Variants in TRIM46 observed in about 807,000 individuals in gnomAD.
The protein encoded by TRIM46 is tripartite motif containing 46, also known as tripartite motif-containing protein 46.
TRIM46 carries 17 observed loss-of-function variants against 69.7 expected under a neutral mutation model. The ratio of observed to expected loss-of-function variants is 0.24; its 90% CI spans 0.17 to 0.37. TRIM46 has a LOEUF of 0.37. Among genes scored for constraint, TRIM46 ranks in the 10% least tolerant of loss-of-function variants. The probability of loss-of-function intolerance (pLI) is 1.00; values close to 1 mark genes in which losing one functional copy is unlikely to be tolerated. For synonymous variants in TRIM46, 391 were observed against 429.0 expected (o/e 0.91, Z 1.09); for missense variants, 675 against 1,025.1 (o/e 0.66, Z 4.66).
Position 155,181,821 on chromosome 1 carries a change from T to C in TRIM46, c.1589-31T>C. On this transcript the variant is annotated intron_variant, in intron 8 of 9. Coordinates refer to ENST00000334634, the MANE Select transcript of TRIM46 (RefSeq NM_025058.5). The surrounding 1 kb of genome is among the most constrained non-coding windows in gnomAD (Gnocchi z 4.3). ...TGCCAGTGTTTGTCCCTGAAGTTCT[T>C]GCTCCATCTCAACCCTCTCCCTCCT... 1.3e-6 allele frequency: 2 copies of C among 1,586,218 alleles called. No individual in the cohort carries two copies. The highest frequency in any genetic ancestry group is 1.7e-6 in the Non-Finnish European group (2 of 1,161,954).
At chr1:155,183,104 C>G (rs981548916) in intron 9 of TRIM46, among the ~76,000 whole-genome samples, 99 of 151,760 alleles carry the variant, frequency 6.5e-4, no homozygotes, top group Middle Eastern at 3.4e-3. Flanking sequence ...TAGAGACGGG[C>G]TTTCACCGTG....
rs1264971596 is a variant in TRIM46, at chr1:155,175,073, A to T, written c.64-313A>T. ...GGGGCAAGCTGCCCAGAGATGGGGGATGGAGGCAGGTGAGGGGGCTGCCAG... is the reference window on the plus strand; with the variant it reads ...GGGGCAAGCTGCCCAGAGATGGGGGTTGGAGGCAGGTGAGGGGGCTGCCAG... On this transcript the variant is annotated intron_variant, in intron 1 of 9. Transcript: ENST00000334634. The surrounding 1 kb of genome is among the most constrained non-coding windows in gnomAD (Gnocchi z 4.2). 1.6e-5 allele frequency: 22 copies of T among 1,357,014 alleles called. No homozygotes were observed. Among genetic ancestry groups the T allele is most frequent in the Non-Finnish European group, 1.8e-5 (19 of 1,057,526 alleles). The allele number at this position is 1,357,014 out of a possible 1,614,324, so 84.1% of individuals were successfully genotyped here. A position where few individuals can be genotyped will look rare whatever the true frequency, so the allele number is the denominator to read the frequency against.
At chr1:155,180,560 A>T (rs1408634575) in intron 8 of TRIM46, 1 of 297,312 alleles carries the variant, frequency 3.4e-6, no homozygotes. Context: ...GCGCCACTGG[A>T]CTCCAGCCTG....
chr1:155,182,685 A>G (rs995813546), intron 9 of TRIM46: 55 of 155,314 alleles, frequency 3.5e-4, no homozygotes, highest in Non-Finnish European at 7.4e-4. Flanking sequence ...TACTAAAAAT[A>G]CAAAAAAAAT....
At chr1:155,182,312 G>A (rs1666228857) in intron 9 of TRIM46, 163 bp downstream of exon 9, 3 of 777,828 alleles carry the variant, frequency 3.9e-6, no homozygotes, top group South Asian at 1.8e-5. Flanking sequence ...GTGTCCAGGA[G>A]ACGCATGGGC....
At chr1:155,176,372 G>A in intron 3 of TRIM46, 141 bp downstream of exon 3, 1 of 811,388 alleles carries the variant, frequency 1.2e-6, no homozygotes, top group Non-Finnish European at 1.9e-6. Flanking sequence ...CTGTCACAAA[G>A]TCACTGGACA....
At chr1:155,182,403 T>C in intron 9 of TRIM46, 1 of 578,344 alleles carries the variant, frequency 1.7e-6, no homozygotes, top group Non-Finnish European at 3.1e-6. Context: ...GGGAGCCATC[T>C]CTGCTTCCTT....
At chr1:155,174,522 C>T in intron 1 of TRIM46, 2 of 1,447,370 alleles carry the variant, frequency 1.4e-6, no homozygotes, top group South Asian at 1.4e-5. Context: ...CCGTGCCTGG[C>T]TCTCCCAGGG....
rs572618230 is a variant in TRIM46 at position 155,182,843 on chromosome 1, CAAA to C, written c.1886+711_1886+713del. 7.0e-3 allele frequency: 670 copies of C among 95,050 alleles called. 8 individuals are homozygous for C. The highest frequency in any genetic ancestry group is 0.027 in the African/African-American group (636 of 23,406). 5.9% of individuals were successfully genotyped at this position (95,050 alleles called of 1,614,324 possible). On this transcript the variant is annotated intron_variant, in intron 9 of 9. Coordinates refer to ENST00000334634, the MANE Select transcript of TRIM46 (RefSeq NM_025058.5). The stretch of plus-strand genomic sequence containing the variant: ...GGGCGACAAAAGCAAAACTCCTTCT[CAAA>C]AAAAAAAAAAAAAAAATTCTTCCCT...
intron 9 of TRIM46, among the ~76,000 whole-genome samples, 174 bp from the exon 10 acceptor site, chr1:155,183,623 A>G (rs1666342520): frequency 6.6e-6 from 1 of 151,762 alleles, no homozygotes; most frequent in Non-Finnish European, 1.5e-5. Flanking sequence ...ACCAAACCCA[A>G]ACCCCTGACC....
At position 155,184,305 on chromosome 1, in the gene TRIM46, G is replaced by A; in HGVS notation, c.*115G>A. On this transcript the variant is annotated 3_prime_UTR_variant, in exon 10 of 10. Coordinates refer to ENST00000334634, the MANE Select transcript of TRIM46 (RefSeq NM_025058.5). The surrounding 1 kb of genome is among the most constrained non-coding windows in gnomAD (Gnocchi z 5.6). ...CTCCCCCAAACTCTCCTACCATGTG[G>A]CCCTGCTCCTTCTCCCGTGTCTGTC... The A allele has an allele frequency of 8.7e-7, 1 of 1,145,796 alleles. No individual in the cohort carries two copies. The highest frequency in any genetic ancestry group is 1.2e-6 in the Non-Finnish European group (1 of 834,822). 71.0% of individuals were successfully genotyped at this position (1,145,796 alleles called of 1,614,324 possible). A position where few individuals can be genotyped will look rare whatever the true frequency, so the allele number is the denominator to read the frequency against.
chr1:155,177,883 T>A, intron 5 of TRIM46, 119 bp from the exon 6 acceptor site: 1 of 1,418,654 alleles, frequency 7.0e-7, no homozygotes, highest in South Asian at 1.4e-5. Flanking sequence ...GTGAGTAGGA[T>A]TTCCCCAGAT....
In TRIM46 at chr1:155,184,314, C is replaced by T. The variant is rs1206397431; in HGVS notation, c.*124C>T. ...ACTCTCCTACCATGTGGCCCTGCTC[C>T]TTCTCCCGTGTCTGTCTTCCCACAG... On this transcript the variant is annotated 3_prime_UTR_variant, in exon 10 of 10. Coordinates refer to ENST00000334634, the MANE Select transcript of TRIM46 (RefSeq NM_025058.5). This position sits in a 1 kb window ranked among gnomAD's most constrained non-coding sequence, Gnocchi z 5.6. 5.6e-6 allele frequency: 6 copies of T among 1,064,626 alleles called. No individual in the cohort carries two copies. Among genetic ancestry groups the T allele is most frequent in the African/African-American group, 1.6e-5 (1 of 62,540 alleles). The allele number at this position is 1,064,626 out of a possible 1,614,324, so 65.9% of individuals were successfully genotyped here.
chr1:155,176,240 G>A lies in TRIM46; in HGVS notation c.669+9G>A, dbSNP rs1335773940. On this transcript the variant is annotated intron_variant, in intron 3 of 9. Transcript: ENST00000334634. ...TCTCCTTCCGACCCAAGGTGAGCCA[G>A]CCCTTCCAAGGCCTGGGGAGGGAGG... 2.1e-5 allele frequency: 33 copies of A among 1,588,138 alleles called. No individual in the cohort carries two copies. The highest frequency in any genetic ancestry group is 2.5e-5 in the Non-Finnish European group (29 of 1,168,844).
chr1:155,177,346 G>A lies in TRIM46; in HGVS notation c.909+56G>A, dbSNP rs568367569. On this transcript the variant is annotated intron_variant, in intron 5 of 9. Transcript: ENST00000334634. ...CCCTGCCTGGGAGTAGGGGCAGGAA[G>A]GGGGTGTGGGTGATCATGACCCAAT... The A allele has an allele frequency of 4.2e-4, 599 of 1,442,130 alleles. 1 individual carries two copies. The African/African-American group carries it at 7.0e-3, about 17-fold the overall frequency. The allele number at this position is 1,442,130 out of a possible 1,614,324, so 89.3% of individuals were successfully genotyped here. A position where few individuals can be genotyped will look rare whatever the true frequency, so the allele number is the denominator to read the frequency against.
intron 3 of TRIM46, 91 bp downstream of exon 3, chr1:155,176,322 T>A: frequency 8.3e-7 from 1 of 1,205,570 alleles, no homozygotes; most frequent in Non-Finnish European, 1.1e-6. Context: ...CAAAAGGAAG[T>A]GGGAAGGGTT....
chr1:155,178,275 C>T lies in TRIM46; in HGVS notation c.1163+20C>T, dbSNP rs201283103. 26 of 1,580,202 alleles carry T rather than the reference C, an allele frequency of 1.6e-5. No homozygotes were observed. The Admixed American group carries it at 4.3e-4, about 26-fold the overall frequency. On this transcript the variant is annotated intron_variant, in intron 6 of 9. Coordinates refer to ENST00000334634, the MANE Select transcript of TRIM46 (RefSeq NM_025058.5). ...CAACAGGTACTCAGGGGCATGGGCT[C>T]CTAGGGGGGCAGGGACATCATGGAT... is the stretch of plus-strand genomic sequence containing the variant.
intron 1 of TRIM46, chr1:155,174,754 A>T: frequency 2.8e-6 from 4 of 1,446,110 alleles, no homozygotes; most frequent in Non-Finnish European, 3.6e-6. Flanking sequence ...TTCCCCCGCT[A>T]GTTCGGAGAA....
At chr1:155,180,006 T>G (rs1666023951) in intron 8 of TRIM46, 72 bp downstream of exon 8, 3 of 1,481,620 alleles carry the variant, frequency 2.0e-6, no homozygotes, top group East Asian at 2.3e-5. Flanking sequence ...GACGGTTGGT[T>G]CCGGTGGCCG....
Sources: allele counts gnomAD v4.1 joint callset (sites outside exome capture counted in the v4.1 genomes callset), GRCh38; gene constraint gnomAD v4.1.1; non-coding constraint Gnocchi (gnomAD v3.1); transcripts MANE v1.5; gene names NCBI Gene and HGNC (gene_info 2026-07-23, HGNC 2026-07-21).